Variants in TRIO observed in about 807,000 individuals in gnomAD.
TRIO encodes trio Rho guanine nucleotide exchange factor, also known as triple functional domain protein.
In TRIO, 58 loss-of-function variants were observed where a neutral mutation model predicts 351.9. That is an observed-to-expected ratio of 0.16 (90% CI 0.13 to 0.21). The LOEUF (loss-of-function observed/expected upper bound fraction) is 0.21. Ranked by LOEUF, TRIO falls within the 10% of genes least tolerant of loss-of-function variation. The pLI, the probability that TRIO is intolerant of heterozygous loss-of-function variation, is 1.00. For synonymous variants in TRIO, 1,758 were observed against 1,595.7 expected (o/e 1.10, Z -2.42); for missense variants, 3,201 against 4,027.8 (o/e 0.79, Z 5.56).
chr5:14,390,110 T>C, intron 25 of TRIO, 121 bp from the exon 26 acceptor site: 1 of 820,210 alleles, frequency 1.2e-6, no homozygotes, highest in South Asian at 1.8e-5. Flanking sequence ...CTTACCCTAG[T>C]TAAGAGCTAC....
intron 1 of TRIO, among the ~76,000 whole-genome samples, chr5:14,268,199 T>G (rs2152267842): frequency 6.6e-6 from 1 of 152,334 alleles, no homozygotes; most frequent in Non-Finnish European, 1.5e-5. Flanking sequence ...CATAGGAAAT[T>G]GAGACATTTA....
chr5:14,299,993 A>C (rs979848225), intron 7 of TRIO, among the ~76,000 whole-genome samples: 1 of 152,250 alleles, frequency 6.6e-6, no homozygotes, highest in East Asian at 1.9e-4. Context: ...ATGATGTTTC[A>C]TAGATGCTAT....
At chr5:14,205,696 T>G (rs1791414298) in intron 1 of TRIO, among the ~76,000 whole-genome samples, 1 of 152,228 alleles carries the variant, frequency 6.6e-6, no homozygotes, top group African/African-American at 2.4e-5. Flanking sequence ...AATGAAAACA[T>G]TATACGCATA....
intron 1 of TRIO, among the ~76,000 whole-genome samples, chr5:14,233,523 C>T (rs1793590503): frequency 6.6e-6 from 1 of 151,674 alleles, no homozygotes; most frequent in South Asian, 2.1e-4. Flanking sequence ...TAACTGTCCT[C>T]CCTTCTCCTT....
intron 2 of TRIO, among the ~76,000 whole-genome samples, chr5:14,274,784 A>G (rs1055809031): frequency 1.6e-4 from 24 of 152,160 alleles, no homozygotes; most frequent in African/African-American, 5.8e-4. Flanking sequence ...GTTTTGATTC[A>G]TTACACATTT....
At chr5:14,308,506 T>TC (rs1738588466) in intron 8 of TRIO, among the ~76,000 whole-genome samples, 1 of 149,404 alleles carries the variant, frequency 6.7e-6, no homozygotes, top group Non-Finnish European at 1.5e-5. Context: ...CGTCCATCCA[T>TC]CCACCCTCCC....
At chr5:14,485,748 G>A (rs1020237614) in intron 47 of TRIO, among the ~76,000 whole-genome samples, 2 of 152,162 alleles carry the variant, frequency 1.3e-5, no homozygotes, top group Non-Finnish European at 2.9e-5. Context: ...CACTTTGGGA[G>A]GCCAAGTTGG....
At chr5:14,186,630 T>A (rs908974185) in intron 1 of TRIO, among the ~76,000 whole-genome samples, 3 of 151,936 alleles carry the variant, frequency 2.0e-5, no homozygotes, top group Non-Finnish European at 4.4e-5. Flanking sequence ...CAGGCTGGAG[T>A]GCAGTGGTGC....
intron 1 of TRIO, among the ~76,000 whole-genome samples, chr5:14,256,181 C>G (rs912414105): frequency 1.3e-5 from 2 of 152,124 alleles, no homozygotes; most frequent in Non-Finnish European, 2.9e-5. Flanking sequence ...GAAGGGGGAA[C>G]TAGTGTCTCA....
In TRIO at chr5:14,508,331, C is replaced by T. The variant is rs1198016867; in HGVS notation, c.9203C>T (p.Ser3068Phe). 6.2e-7 allele frequency: 1 copy of T among 1,614,050 alleles called. No individual in the cohort carries two copies. Among genetic ancestry groups the T allele is most frequent in the Admixed American group, 1.7e-5 (1 of 60,032 alleles). Reference sequence around the variant, plus strand: ...GTCCTCGACACGTCCAGACTGACTTCCTTCATTGAGCGGCGCAAACACCAG... The same window carrying T: ...GTCCTCGACACGTCCAGACTGACTTTCTTCATTGAGCGGCGCAAACACCAG... ...TGVLDTSRLT[S>F]FIERRKHQND... The change falls in exon 57 of 57, where the codon TCC becomes TTC. Residue 3068 changes from serine to phenylalanine, a missense_variant. By Grantham distance (155) the Ser-to-Phe change is radical (BLOSUM62 -2). Coordinates refer to ENST00000344204, the MANE Select transcript of TRIO (RefSeq NM_007118.4).
chr5:14,157,766 T>G (rs1015834381), intron 1 of TRIO, among the ~76,000 whole-genome samples: 11 of 152,022 alleles, frequency 7.2e-5, no homozygotes, highest in Non-Finnish European at 1.2e-4. Context: ...TGTATCTTTT[T>G]TTGTAGAGAT....
At chr5:14,394,229 A>G (rs900664523) in intron 28 of TRIO, 99 bp downstream of exon 28, 1 of 718,276 alleles carries the variant, frequency 1.4e-6, no homozygotes, top group Non-Finnish European at 2.2e-6. Flanking sequence ...TTTTTGAAAC[A>G]CCTAGTCAAT....
At chr5:14,427,150 A>G (rs142319964) in intron 34 of TRIO, among the ~76,000 whole-genome samples, 77 of 152,192 alleles carry the variant, frequency 5.1e-4, no homozygotes, top group African/African-American at 1.8e-3. Flanking sequence ...GACCGTGCCT[A>G]TGTGCCCCTG....
Position 14,487,993 on chromosome 5 carries a change from G to C in TRIO, c.7365G>C (p.Ser2455=). The C allele has an allele frequency of 1.3e-6, 2 of 1,563,436 alleles. No homozygotes were observed. Among genetic ancestry groups the C allele is most frequent in the Non-Finnish European group, 1.7e-6 (2 of 1,155,262 alleles). Residue 2455 remains serine (S), a synonymous_variant, in exon 48 of 57, where the codon TCG becomes TCC. Transcript: ENST00000344204. ...GGAAGCCCCGGGCCGGGGCCGCTTCGCCGCTGAACTCGCCGCTCTCCAGCG... is the reference window on the plus strand; with the variant it reads ...GGAAGCCCCGGGCCGGGGCCGCTTCCCCGCTGAACTCGCCGCTCTCCAGCG... ...PLGKPRAGAA[S]PLNSPLSSAV...
chr5:14,351,019 G>A (rs114580706), intron 11 of TRIO, among the ~76,000 whole-genome samples: 2,634 of 152,218 alleles, frequency 0.017, 87 homozygotes, highest in African/African-American at 0.06. Context: ...ATCTAATGCC[G>A]CTGCTGATCT....
In TRIO at chr5:14,507,240, A is replaced by G. The variant is rs894401731; in HGVS notation, c.8731A>G (p.Ile2911Val). The G allele has an allele frequency of 1.2e-6, 2 of 1,611,786 alleles. No individual in the cohort carries two copies. Among genetic ancestry groups the G allele is most frequent in the Non-Finnish European group, 1.7e-6 (2 of 1,179,890 alleles). ...EAVRYLHNCR[I>V]AHLDLKPENI... ...TGTCCGGTACCTGCACAACTGCAGG[A>G]TAGCACACCTGGACCTAAAGGTTGG... is the stretch of plus-strand genomic sequence containing the variant. Residue 2911 changes from isoleucine to valine, a missense_variant, in exon 56 of 57, where the codon ATA becomes GTA. This residue lies in a region of TRIO where 233 missense variants were observed against 292.6 expected (regional missense o/e 0.80). Transcript: ENST00000344204.
chr5:14,152,981 C>T (rs1370320711), intron 1 of TRIO, among the ~76,000 whole-genome samples: 1 of 152,220 alleles, frequency 6.6e-6, no homozygotes, highest in Non-Finnish European at 1.5e-5. Flanking sequence ...CATTGTTAGG[C>T]CTTTCTCTCA....
chr5:14,487,538 G>A lies in TRIO; in HGVS notation c.6910G>A (p.Gly2304Arg), dbSNP rs768209828. The change falls in exon 48 of 57, where the codon GGG (glycine) becomes AGG (arginine). Residue 2304 changes from glycine (G) to arginine (R), a missense_variant. Physicochemically the swap from Gly to Arg is moderately radical, Grantham distance 125 (BLOSUM62 -2). This residue lies in a region of TRIO where 1,089 missense variants were observed against 954.9 expected (regional missense o/e 1.14). Coordinates refer to ENST00000344204, the MANE Select transcript of TRIO (RefSeq NM_007118.4). ...GGGGGSGGSG[G>R]GGGSGGGGAP... ...CGGCGGCGGCAGCGGGGGCAGCGGC[G>A]GGGGTGGGGGCAGCGGCGGCGGCGG... 6 of 1,060,412 alleles carry A rather than the reference G, an allele frequency of 5.7e-6. No individual in the cohort carries two copies. The South Asian group carries it at 1.8e-4, about 31-fold the overall frequency. 65.7% of individuals were successfully genotyped at this position (1,060,412 alleles called of 1,614,324 possible).
intron 33 of TRIO, among the ~76,000 whole-genome samples, chr5:14,409,099 C>T (rs1435197415): frequency 6.6e-6 from 1 of 152,070 alleles, no homozygotes; most frequent in Non-Finnish European, 1.5e-5. Flanking sequence ...GCTGGTGCCA[C>T]GACTTATCTC....
Sources: allele counts gnomAD v4.1 joint callset (sites outside exome capture counted in the v4.1 genomes callset), GRCh38; gene constraint gnomAD v4.1.1; regional missense constraint gnomAD v4.1.1; transcripts MANE v1.5; gene names NCBI Gene and HGNC (gene_info 2026-07-23, HGNC 2026-07-21).